Variants in RYR1 observed in about 807,000 individuals in gnomAD.
RYR1 encodes the protein ryanodine receptor 1.
RYR1 carries 342 observed loss-of-function variants against 583.5 expected under a neutral mutation model. That is an observed-to-expected ratio of 0.59 (90% CI 0.54 to 0.64). The LOEUF is 0.64. RYR1 is among the 30% of genes least tolerant of loss of function. The pLI is 0.00. For synonymous variants in RYR1, 2,791 were observed against 2,822.5 expected, an observed-to-expected ratio of 0.99 and a Z score of 0.35; for missense variants, 6,032 against 6,917.2, an observed-to-expected ratio of 0.87 and a Z score of 4.54.
In RYR1 at chr19:38,561,785, T is replaced by C. The variant is rs564967122; in HGVS notation, c.12624+331T>C. Among the ~76,000 whole-genome samples, 14 of 152,226 alleles carry C rather than the reference T, an allele frequency of 9.2e-5. No homozygotes were observed. The highest frequency in any genetic ancestry group is 2.9e-4 in the African/African-American group (12 of 41,540). On this transcript the variant is annotated intron_variant, in intron 90 of 105. Coordinates refer to ENST00000359596, the MANE Select transcript of RYR1 (RefSeq NM_000540.3). The surrounding 1 kb of genome is among the most constrained non-coding windows in gnomAD (Gnocchi z 4.8). ...CCCTGGGAGCTCTGGCAGGCCCTTA[T>C]AGCCCTGATGCAGCCCTACCCACAC... is the stretch of plus-strand genomic sequence containing the variant.
chr19:38,456,428 C>T (rs1278591421), intron 16 of RYR1, among the ~76,000 whole-genome samples: 1 of 151,096 alleles, frequency 6.6e-6, no homozygotes, highest in African/African-American at 2.4e-5. Context: ...ATTACAGGTG[C>T]CCGCCACCAC....
At position 38,578,330 on chromosome 19, in the gene RYR1, A is replaced by G. The variant is rs1373020386; in HGVS notation, c.14364+126A>G. 19 of 867,268 alleles carry G rather than the reference A, an allele frequency of 2.2e-5. 1 individual carries two copies. In the East Asian group the frequency reaches 5.0e-4, roughly 23 times the overall value. 53.7% of individuals were successfully genotyped at this position (867,268 alleles called of 1,614,324 possible). A position where few individuals can be genotyped will look rare whatever the true frequency, so the allele number is the denominator to read the frequency against. ...CCCTGAGTGGCTGTGACCCTAGGGT[A>G]TCTTCTTATCCACACAAGGCTCCTT... is the stretch of plus-strand genomic sequence containing the variant. On this transcript the variant is annotated intron_variant, in intron 99 of 105. Coordinates refer to ENST00000359596, the MANE Select transcript of RYR1 (RefSeq NM_000540.3).
intron 67 of RYR1, among the ~76,000 whole-genome samples, chr19:38,521,455 C>T (rs1971221545): frequency 6.6e-6 from 1 of 151,474 alleles, no homozygotes; most frequent in South Asian, 2.1e-4. Context: ...GAGTGGATCA[C>T]TCAAACTCAG....
At position 38,510,940 on chromosome 19, in the gene RYR1, A is replaced by G. The variant is rs116008893; in HGVS notation, c.9122+159A>G. Among the ~76,000 whole-genome samples, 619 of 152,284 alleles carry G rather than the reference A, an allele frequency of 4.1e-3. 9 individuals carry two copies. The highest frequency in any genetic ancestry group is 0.014 in the African/African-American group (598 of 41,576). On this transcript the variant is annotated intron_variant, in intron 60 of 105. Transcript: ENST00000359596. Reference sequence around the variant, plus strand: ...GCCATCCTAGTGTACCCGGGACTGAAGGGTTTCCCAGGATGTGGGACTCTC... The same window carrying G: ...GCCATCCTAGTGTACCCGGGACTGAGGGGTTTCCCAGGATGTGGGACTCTC...
At position 38,496,189 on chromosome 19, in the gene RYR1, A is replaced by AC. The variant is rs1969813567; in HGVS notation, c.6549-22dup. The AC allele has an allele frequency of 8.1e-6, 13 of 1,599,056 alleles. No homozygotes were observed. The highest frequency in any genetic ancestry group is 1.1e-5 in the Non-Finnish European group (13 of 1,168,234). On this transcript the variant is annotated intron_variant, in intron 39 of 105. Coordinates refer to ENST00000359596, the MANE Select transcript of RYR1 (RefSeq NM_000540.3). This position sits in a 1 kb window ranked among gnomAD's most constrained non-coding sequence, Gnocchi z 4.8. ...CCTCTCCGGACCTGGGCCCCTGGTG[A>AC]CCCCGCACACTCTGCCCGTGCACAG...
At chr19:38,513,361 G>A (rs1056945954) in intron 63 of RYR1, among the ~76,000 whole-genome samples, 5 of 150,406 alleles carry the variant, frequency 3.3e-5, no homozygotes, top group Non-Finnish European at 5.9e-5. Flanking sequence ...AGTAGCAGTT[G>A]GTGGCCAGCC....
At position 38,578,167 on chromosome 19, in the gene RYR1, A is replaced by G; in HGVS notation, c.14327A>G (p.Tyr4776Cys). ...AGGCTCATGTCCATCGATGTCAAGT[A>G]CCAGATCTGGAAGTTCGGGGTCATC... ...LTWLMSIDVKYQIWKFGVIFT... is the reference protein window; with the variant it reads ...LTWLMSIDVKCQIWKFGVIFT... Residue 4776 changes from tyrosine to cysteine, a missense_variant, in exon 99 of 106, where the codon TAC (tyrosine) becomes TGC (cysteine). Tyr to Cys is a radical substitution (Grantham distance 194). Coordinates refer to ENST00000359596, the MANE Select transcript of RYR1 (RefSeq NM_000540.3). The G allele has an allele frequency of 6.2e-7, 1 of 1,613,626 alleles. No individual in the cohort carries two copies. Among genetic ancestry groups the G allele is most frequent in the Middle Eastern group, 1.7e-4 (1 of 6,060 alleles).
Position 38,447,566 on chromosome 19 carries a change from G to A in RYR1, c.801-789G>A, listed in dbSNP as rs559703327. 1.3e-4 allele frequency among the ~76,000 whole-genome samples: 19 copies of A among 149,682 alleles called. No homozygotes were observed. In the East Asian group the frequency reaches 3.7e-3, roughly 29 times the overall value. On this transcript the variant is annotated intron_variant, in intron 9 of 105. Transcript: ENST00000359596. ...AAAAAAATACAAAAACAAAGGCCGG[G>A]GGCGGTGGCTCACACCTGTAATCCC...
At chr19:38,502,798 C>CAGGGGCAGGGGCAGGGGT in intron 48 of RYR1, 71 bp downstream of exon 48, 1 of 765,850 alleles carries the variant, frequency 1.3e-6, no homozygotes, top group Non-Finnish European at 1.7e-6. Flanking sequence ...GGGGCAGGGG[C>CAGGGGCAGGGGCAGGGGT]AGGGGCAGGG....
chr19:38,515,160 G>T, intron 64 of RYR1, 53 bp downstream of exon 64: 3 of 1,190,958 alleles, frequency 2.5e-6, no homozygotes, highest in South Asian at 1.2e-5. Flanking sequence ...GGGGAAGGGA[G>T]GGAGCAGGGG....
rs1192637102 is a variant in RYR1, at chr19:38,444,706, G to T, written c.631+29G>T. The T allele has an allele frequency of 4.0e-6, 6 of 1,512,046 alleles. No individual in the cohort carries two copies. The South Asian group carries it at 6.8e-5, about 17-fold the overall frequency. 93.7% of individuals were successfully genotyped at this position (1,512,046 alleles called of 1,614,324 possible). Reference sequence around the variant, plus strand: ...AGGGCCCCAGACCTCCCCCTAAATGGAGATCCCCCCAAAACAGACCCTTAA... The same window carrying T: ...AGGGCCCCAGACCTCCCCCTAAATGTAGATCCCCCCAAAACAGACCCTTAA... On this transcript the variant is annotated intron_variant, in intron 7 of 105. Transcript: ENST00000359596. This position sits in a 1 kb window ranked among gnomAD's most constrained non-coding sequence, Gnocchi z 5.1.
chr19:38,486,122 GGGC>G lies in RYR1; in HGVS notation c.5468_5470del (p.Gly1823_Gln1824delinsGlu). The G allele has an allele frequency of 6.2e-7, 1 of 1,613,128 alleles. No homozygotes were observed. The highest frequency in any genetic ancestry group is 8.5e-7 in the Non-Finnish European group (1 of 1,179,830). On this transcript the variant is annotated inframe_deletion, in exon 34 of 106. Transcript: ENST00000359596. ...GCTGGGGGAGGCGGTGCGCGACGGT[GGGC>G]AGCACGCTCGCGACCCCGTCGGGGG... is the stretch of plus-strand genomic sequence containing the variant.
rs149045885 is a variant in RYR1, at chr19:38,512,689, C to T, written c.9472+206C>T. ...TAACAAAAGACCCTAAGTGGACTGGCGCAGTGACTCACACCTGTAATTCCA... is the reference window on the plus strand; with the variant it reads ...TAACAAAAGACCCTAAGTGGACTGGTGCAGTGACTCACACCTGTAATTCCA... On this transcript the variant is annotated intron_variant, in intron 63 of 105. Transcript: ENST00000359596. This position sits in a 1 kb window ranked among gnomAD's most constrained non-coding sequence, Gnocchi z 5.1. Among the ~76,000 whole-genome samples, 823 of 152,196 alleles carry T rather than the reference C, an allele frequency of 5.4e-3. 4 individuals carry two copies. Among genetic ancestry groups the T allele is most frequent in the Admixed American group, 0.011 (168 of 15,268 alleles).
chr19:38,582,888 T>C lies in RYR1; in HGVS notation c.14647-2055T>C, dbSNP rs189068942. On this transcript the variant is annotated intron_variant, in intron 101 of 105. Coordinates refer to ENST00000359596, the MANE Select transcript of RYR1 (RefSeq NM_000540.3). Reference sequence around the variant, plus strand: ...CAAAGTCCAGCTCCTCAACCTGACATCTGAGGCTCTTCCAGACACGGCCTC... The same window carrying C: ...CAAAGTCCAGCTCCTCAACCTGACACCTGAGGCTCTTCCAGACACGGCCTC... Among the ~76,000 whole-genome samples, 185 of 152,268 alleles carry C rather than the reference T, an allele frequency of 1.2e-3. 1 individual carries two copies. The highest frequency in any genetic ancestry group is 4.1e-3 in the African/African-American group (171 of 41,556).
chr19:38,546,794 A>T (rs1192662553), intron 88 of RYR1, among the ~76,000 whole-genome samples: 1 of 149,232 alleles, frequency 6.7e-6, no homozygotes, highest in African/African-American at 2.5e-5. Context: ...TCTACTAAAA[A>T]TACAAAAATT....
At position 38,587,336 on chromosome 19, in the gene RYR1, C is replaced by A; in HGVS notation, c.15033C>A (p.Val5011=). Reference sequence around the variant, plus strand: ...ATCCCCAATCCTAGGAGTCTTATGTCTGGAAGATGTACCAAGAGAGATGTT... The same window carrying A: ...ATCCCCAATCCTAGGAGTCTTATGTATGGAAGATGTACCAAGAGAGATGTT... ...ETEHTGQESY[V]WKMYQERCWD... is the part of the protein sequence containing the mutation. The change falls in exon 106 of 106, where the codon GTC becomes GTA. Residue 5011 remains valine, a synonymous_variant. Transcript: ENST00000359596. The A allele has an allele frequency of 6.2e-7, 1 of 1,613,440 alleles. No individual in the cohort carries two copies. The highest frequency in any genetic ancestry group is 8.5e-7 in the Non-Finnish European group (1 of 1,179,450).
In RYR1 at chr19:38,496,363, G is replaced by A. The variant is rs1259875362; in HGVS notation, c.6663+34G>A. 1 of 1,613,676 alleles carries A rather than the reference G, an allele frequency of 6.2e-7. No individual in the cohort carries two copies. Among genetic ancestry groups the A allele is most frequent in the Non-Finnish European group, 8.5e-7 (1 of 1,180,038 alleles). On this transcript the variant is annotated intron_variant, in intron 40 of 105. Coordinates refer to ENST00000359596, the MANE Select transcript of RYR1 (RefSeq NM_000540.3). This position sits in a 1 kb window ranked among gnomAD's most constrained non-coding sequence, Gnocchi z 4.8. ...CCAGGCAGGTGCTGGGGAGCTCAGG[G>A]GAGGCAGCCACAGAGGGCAGGCCCT...
In RYR1 at chr19:38,520,071, CT is replaced by C. The variant is rs571307849; in HGVS notation, c.10259+636del. ...GCACAACACCGTAAGGAATAGTTTG[CT>C]TTTTTTTTTTTTTTTTTTATTGAGA... On this transcript the variant is annotated intron_variant, in intron 67 of 105. Transcript: ENST00000359596. Among the ~76,000 whole-genome samples the C allele has an allele frequency of 9.3e-3, 1,046 of 112,226 alleles. 4 individuals are homozygous for C. Among genetic ancestry groups the C allele is most frequent in the South Asian group, 0.024 (85 of 3,538 alleles). 73.6% of individuals were successfully genotyped at this position (112,226 alleles called of 152,430 possible). A position where few individuals can be genotyped will look rare whatever the true frequency, so the allele number is the denominator to read the frequency against.
chr19:38,522,273 A>G (rs1012695124), intron 67 of RYR1, among the ~76,000 whole-genome samples: 1 of 152,128 alleles, frequency 6.6e-6, no homozygotes, highest in Non-Finnish European at 1.5e-5. Context: ...ATATTTATGT[A>G]TTTCGATGAA....
Sources: gnomAD v4.1 joint callset for allele counts (sites outside exome capture counted in the v4.1 genomes callset) on GRCh38, gnomAD v4.1.1 for gene constraint, Gnocchi (gnomAD v3.1) non-coding constraint, MANE v1.5 for transcripts, NCBI Gene and HGNC (gene_info 2026-07-23, HGNC 2026-07-21) for gene names.